The following TTC6 variants were observed in gnomAD, a reference collection of about 807,000 sequenced individuals.
TTC6 encodes tetratricopeptide repeat protein 6.
In TTC6, 172 loss-of-function variants were observed where a neutral mutation model predicts 210.4. The observed-to-expected ratio is 0.82, with a 90% CI of 0.72 to 0.93. The LOEUF (loss-of-function observed/expected upper bound fraction) is 0.93, where lower values mean the gene tolerates loss of function less well. Ranked by LOEUF, TTC6 falls within the 40% of genes least tolerant of loss-of-function variation. The probability of loss-of-function intolerance (pLI) is 0.00; values close to 1 mark genes in which losing one functional copy is unlikely to be tolerated. For synonymous variants in TTC6, 804 were observed against 819.6 expected (o/e 0.98, Z 0.32); for missense variants, 2,414 against 2,318.1 (o/e 1.04, Z -0.85).
chr14:37,816,323 A>T (rs1446841477), intron 25 of TTC6, among the ~76,000 whole-genome samples: 7 of 152,102 alleles, frequency 4.6e-5, no homozygotes, highest in African/African-American at 1.7e-4. Context: ...CTTCAAAGAC[A>T]GCCTCTTCCC....
At chr14:37,797,474 G>T (rs956616707) in intron 20 of TTC6, among the ~76,000 whole-genome samples, 1 of 151,710 alleles carries the variant, frequency 6.6e-6, no homozygotes, top group African/African-American at 2.4e-5. Context: ...CTATCAATTT[G>T]CTATACACAT....
At position 37,696,978 on chromosome 14, in the gene TTC6, A is replaced by T. The variant is rs184245089; in HGVS notation, c.1376+143A>T. 3,219 of 402,426 alleles carry T rather than the reference A, an allele frequency of 8.0e-3. 36 individuals carry two copies. Among genetic ancestry groups the T allele is most frequent in the Middle Eastern group, 0.021 (32 of 1,546 alleles). 24.9% of individuals were successfully genotyped at this position (402,426 alleles called of 1,614,324 possible). ...CCTAAGTTAAACCTTCTCACAGGAA[A>T]AGTTGGTGGCAGATTTTACAGTTAG... On this transcript the variant is annotated intron_variant, in intron 4 of 30. Transcript: ENST00000553443.
Position 37,689,634 on chromosome 14 carries a change from A to C in TTC6, c.1257+6670A>C, listed in dbSNP as rs566965592. Among the ~76,000 whole-genome samples, 4 of 152,310 alleles carry C rather than the reference A, an allele frequency of 2.6e-5. No individual in the cohort carries two copies. In the East Asian group the frequency reaches 7.7e-4, roughly 29 times the overall value. On this transcript the variant is annotated intron_variant, in intron 3 of 30. Transcript: ENST00000553443. ...GTCCAGCAGCAGACTTTTCAGTGGA[A>C]ACCTTACAGGCCACAAGAGAGTAGC...
chr14:37,609,497 G>A (rs1595004166), intron 2 of TTC6, among the ~76,000 whole-genome samples: 2 of 152,240 alleles, frequency 1.3e-5, no homozygotes, highest in Admixed American at 1.3e-4. Context: ...GACCTCAGGT[G>A]AATTCCTTAA....
chr14:37,624,201 T>C (rs1367006922), intron 1 of TTC6, among the ~76,000 whole-genome samples: 1 of 152,180 alleles, frequency 6.6e-6, no homozygotes, highest in Non-Finnish European at 1.5e-5. Context: ...GTATGACAAA[T>C]GTTCTGAGTT....
At chr14:37,610,268 G>A (rs1045474566) in intron 2 of TTC6, among the ~76,000 whole-genome samples, 1 of 152,224 alleles carries the variant, frequency 6.6e-6, no homozygotes, top group African/African-American at 2.4e-5. Flanking sequence ...GACTTTTATC[G>A]TGAACTTCTG....
chr14:37,840,029 C>T (rs755535042), intron 29 of TTC6, among the ~76,000 whole-genome samples: 8 of 152,034 alleles, frequency 5.3e-5, no homozygotes, highest in Non-Finnish European at 1.2e-4. Flanking sequence ...GTACCAGTAC[C>T]ATGCCTGGTT....
chr14:37,764,333 T>G (rs1428993085), intron 14 of TTC6, among the ~76,000 whole-genome samples: 5 of 152,196 alleles, frequency 3.3e-5, no homozygotes, highest in Non-Finnish European at 7.4e-5. Flanking sequence ...ATTGTTGAAC[T>G]TCTGTCTAGT....
intron 1 of TTC6, among the ~76,000 whole-genome samples, chr14:37,657,325 T>G: frequency 6.8e-6 from 1 of 146,036 alleles, no homozygotes; most frequent in Admixed American, 6.9e-5. Flanking sequence ...TCAAAAGGTG[T>G]GGAAGTTTTG....
chr14:37,698,237 A>G (rs1445485809), intron 4 of TTC6, among the ~76,000 whole-genome samples: 1 of 152,198 alleles, frequency 6.6e-6, no homozygotes, highest in East Asian at 1.9e-4. Context: ...TTTTCTCACT[A>G]GCCCTCAAAT....
At chr14:37,775,811 G>A (rs1401665458) in intron 14 of TTC6, among the ~76,000 whole-genome samples, 2 of 152,120 alleles carry the variant, frequency 1.3e-5, no homozygotes, top group Non-Finnish European at 2.9e-5. Flanking sequence ...TATGTTGGGT[G>A]CATATATTTT....
chr14:37,808,598 T>C (rs1400631119), intron 23 of TTC6, 135 bp from the exon 26 acceptor site: 1 of 478,060 alleles, frequency 2.1e-6, no homozygotes, highest in East Asian at 3.5e-5. Flanking sequence ...CTTCAATGTC[T>C]TAATTTCACA....
intron 17 of TTC6, among the ~76,000 whole-genome samples, chr14:37,793,283 C>T (rs1027266022): frequency 6.6e-6 from 1 of 152,212 alleles, no homozygotes; most frequent in Non-Finnish European, 1.5e-5. Flanking sequence ...TTCTAATTGC[C>T]TTTCTACCTT....
In TTC6 at chr14:37,769,779, T is replaced by G. The variant is rs1469023264; in HGVS notation, c.3266+16544T>G. ...CTCCTGGATTCATTAATTTTTTGAA[T>G]GGTTTTTTGTGTCTCTATTTCCTTC... On this transcript the variant is annotated intron_variant, in intron 14 of 30. Coordinates refer to ENST00000553443, the Ensembl canonical transcript of TTC6. Among the ~76,000 whole-genome samples, 16 of 152,168 alleles carry G rather than the reference T, an allele frequency of 1.1e-4. No homozygotes were observed. In the South Asian group the frequency reaches 3.3e-3, roughly 32 times the overall value.
rs373099181 is a variant in TTC6, at chr14:37,735,182, C to T, written c.1819-739C>T. ...CTAAGTTACCCATAGCCTTCTCCAT[C>T]GTCGGTAATAATTACATAATATTTT... On this transcript the variant is annotated intron_variant, in intron 7 of 30. Coordinates refer to ENST00000553443, the Ensembl canonical transcript of TTC6. Among the ~76,000 whole-genome samples, 80 of 152,040 alleles carry T rather than the reference C, an allele frequency of 5.3e-4. 2 individuals are homozygous for T. The highest frequency in any genetic ancestry group is 1.6e-4 in the Non-Finnish European group (11 of 68,006).
intron 1 of TTC6, among the ~76,000 whole-genome samples, chr14:37,675,316 C>T (rs906892253): frequency 2.0e-5 from 3 of 152,230 alleles, no homozygotes; most frequent in South Asian, 2.1e-4. Flanking sequence ...TAAATGGAAT[C>T]ATACAATTTG....
rs537654900 is a variant in TTC6 at position 37,751,137 on chromosome 14, C to T, written c.3041C>T (p.Ser1014Phe). Residue 1014 changes from serine (S) to phenylalanine (F), a missense_variant, in exon 13 of 31, where the codon TCC (serine) becomes TTC (phenylalanine). Coordinates refer to ENST00000553443, the Ensembl canonical transcript of TTC6. ...CTAAACTATACCCAGGCAATTAAAT[C>T]CACGCCCACAGATGCTGATATCTAT... 1,944 of 1,532,978 alleles carry T rather than the reference C, an allele frequency of 1.3e-3. 3 individuals are homozygous for T. The highest frequency in any genetic ancestry group is 1.4e-3 in the Admixed American group (73 of 50,900). The allele number at this position is 1,532,978 out of a possible 1,614,324, so 95.0% of individuals were successfully genotyped here. A position where few individuals can be genotyped will look rare whatever the true frequency, so the allele number is the denominator to read the frequency against.
At chr14:37,753,302 A>T (rs2095958037) in intron 14 of TTC6, 67 bp downstream of exon 16, 6 of 1,289,374 alleles carry the variant, frequency 4.7e-6, no homozygotes, top group Non-Finnish European at 6.3e-6. Context: ...TCAGAACAGA[A>T]AATTGCTTGA....
At chr14:37,596,744 A>C (rs1444443329) in intron 1 of TTC6, among the ~76,000 whole-genome samples, 2 of 139,924 alleles carry the variant, frequency 1.4e-5, no homozygotes, top group African/African-American at 2.5e-5. Context: ...ATCTAAAGTA[A>C]TTAAGAATCC....
Sources: allele counts gnomAD v4.1 joint callset (sites outside exome capture counted in the v4.1 genomes callset), GRCh38; gene constraint gnomAD v4.1.1; transcripts MANE v1.5; gene names NCBI Gene and HGNC (gene_info 2026-07-23, HGNC 2026-07-21).